RASIP1: variants seen among roughly 807,000 people sequenced by gnomAD.
RASIP1 encodes ras-interacting protein 1.
In RASIP1, 20 loss-of-function variants were observed where a neutral mutation model predicts 85.3. The ratio of observed to expected loss-of-function variants is 0.23; its 90% confidence interval spans 0.17 to 0.34. The LOEUF is 0.34. Among genes scored for constraint, RASIP1 ranks in the 10% least tolerant of loss-of-function variants. The pLI, the probability that RASIP1 is intolerant of heterozygous loss-of-function variation, is 1.00. For synonymous variants in RASIP1, 617 were observed against 647.1 expected (o/e 0.95, Z 0.71); for missense variants, 1,170 against 1,390.9 (o/e 0.84, Z 2.53).
chr19:48,738,976 C>T lies in RASIP1; in HGVS notation c.807G>A (p.Gly269=), dbSNP rs2033623224. The change falls in exon 3 of 12, where the codon GGG becomes GGA. Residue 269 remains glycine (G), a synonymous_variant. Coordinates refer to ENST00000222145, the MANE Select transcript of RASIP1 (RefSeq NM_017805.3). The surrounding 1 kb of genome is among the most constrained non-coding windows in gnomAD (Gnocchi z 4.0). ...EARRLEQEAF[G]AADSEGTGAP... is the part of the protein sequence containing the mutation. The stretch of plus-strand genomic sequence containing the variant: ...GCCGCTCACCTTCGCTGTCCGCGGC[C>T]CCGAAGGCCTCCTGCTCCAGGCGCC... The T allele has an allele frequency of 1.1e-5, 14 of 1,231,974 alleles. No homozygotes were observed. The highest frequency in any genetic ancestry group is 4.3e-5 in the Admixed American group (1 of 23,052). 76.3% of individuals were successfully genotyped at this position (1,231,974 alleles called of 1,614,324 possible).
intron 4 of RASIP1, among the ~76,000 whole-genome samples, chr19:48,734,220 A>G (rs1162154736): frequency 6.6e-6 from 1 of 151,520 alleles, no homozygotes; most frequent in Non-Finnish European, 1.5e-5. Flanking sequence ...GCGTGAACCC[A>G]GGAGACAGAG....
Position 48,738,934 on chromosome 19 carries a change from G to GC in RASIP1, c.823+25dup, listed in dbSNP as rs1484866199. The GC allele has an allele frequency of 1.7e-6, 1 of 574,060 alleles. No individual in the cohort carries two copies. Among genetic ancestry groups the GC allele is most frequent in the Non-Finnish European group, 2.0e-6 (1 of 493,642 alleles). 35.6% of individuals were successfully genotyped at this position (574,060 alleles called of 1,614,324 possible). The stretch of plus-strand genomic sequence containing the variant: ...CCCGCCTCTCTGGCACCGAGTCCCC[G>GC]CCCCAGAGCCCCGCCCGCCGCTCAC... On this transcript the variant is annotated intron_variant, in intron 3 of 11. Transcript: ENST00000222145. This position sits in a 1 kb window ranked among gnomAD's most constrained non-coding sequence, Gnocchi z 4.0.
intron 4 of RASIP1, among the ~76,000 whole-genome samples, chr19:48,731,482 C>T (rs954633293): frequency 6.6e-6 from 1 of 152,136 alleles, no homozygotes; most frequent in Non-Finnish European, 1.5e-5. Flanking sequence ...GGTCATTCCA[C>T]GGATAAATAA....
Position 48,728,972 on chromosome 19 carries a change from C to A in RASIP1, c.1798G>T (p.Gly600Cys). The change falls in exon 5 of 12, where the codon GGC (glycine) becomes TGC (cysteine). Residue 600 changes from glycine to cysteine, a missense_variant. Around this residue, in one of 4 missense-constraint regions of RASIP1, gnomAD observed 426 missense variants for 576.2 expected, o/e 0.74. Coordinates refer to ENST00000222145, the MANE Select transcript of RASIP1 (RefSeq NM_017805.3). ...TCCTTGATGAGCCGGGCCAGGCGGCCCAGCAGTCGTGGCAGGTGGCCCAGC... is the reference window on the plus strand; with the variant it reads ...TCCTTGATGAGCCGGGCCAGGCGGCACAGCAGTCGTGGCAGGTGGCCCAGC... ...LELGHLPRLL[G>C]RLARLIKEAV... The A allele has an allele frequency of 6.9e-7, 1 of 1,458,934 alleles. No individual in the cohort carries two copies. The highest frequency in any genetic ancestry group is 9.0e-7 in the Non-Finnish European group (1 of 1,114,292). The allele number at this position is 1,458,934 out of a possible 1,614,324, so 90.4% of individuals were successfully genotyped here. A position where few individuals can be genotyped will look rare whatever the true frequency, so the allele number is the denominator to read the frequency against.
chr19:48,723,485 G>A (rs992074904), intron 10 of RASIP1, among the ~76,000 whole-genome samples: 8 of 151,142 alleles, frequency 5.3e-5, no homozygotes, highest in Non-Finnish European at 1.2e-4. Context: ...GCTTGAACTC[G>A]GGAGGCGGAG....
rs1453673001 is a variant in RASIP1, at chr19:48,735,276, C to G, written c.1099G>C (p.Asp367His). The part of the protein sequence containing the change: ...QIGTADPGDF[D>H]QLTQCLIQAP... ...TGGATGAGGCACTGAGTCAACTGAT[C>G]GAAGTCCCCGGGGTCTGCAGTTCCG... Residue 367 changes from aspartate to histidine, a missense_variant, in exon 4 of 12, where the codon GAT (aspartate) becomes CAT (histidine). By Grantham distance (81) the Asp-to-His change is moderately conservative. This residue lies in a region of RASIP1 where 301 missense variants were observed against 294.8 expected (regional missense o/e 1.02). Coordinates refer to ENST00000222145, the MANE Select transcript of RASIP1 (RefSeq NM_017805.3). The G allele has an allele frequency of 2.4e-5, 38 of 1,613,938 alleles. No homozygotes were observed. The highest frequency in any genetic ancestry group is 3.2e-5 in the Non-Finnish European group (38 of 1,180,012).
rs762929622 is a variant in RASIP1, at chr19:48,724,555, G to A, written c.2372-46C>T. ...AGAGGCAGTTGGTTGGCTGGACTCT[G>A]TGCTCCTGCCTCCCAGACTCTTCCT... On this transcript the variant is annotated intron_variant, in intron 9 of 11. Coordinates refer to ENST00000222145, the MANE Select transcript of RASIP1 (RefSeq NM_017805.3). This position sits in a 1 kb window ranked among gnomAD's most constrained non-coding sequence, Gnocchi z 4.6. The A allele has an allele frequency of 5.0e-6, 8 of 1,591,662 alleles. No homozygotes were observed. The Admixed American group carries it at 1.2e-4, about 24-fold the overall frequency.
Position 48,735,285 on chromosome 19 carries a change from C to T in RASIP1, c.1090G>A (p.Gly364Arg). Residue 364 changes from glycine to arginine, a missense_variant, in exon 4 of 12, where the codon GGG (glycine) becomes AGG (arginine). Coordinates refer to ENST00000222145, the MANE Select transcript of RASIP1 (RefSeq NM_017805.3). ...ADAQIGTADP[G>R]DFDQLTQCLI... ...CACTGAGTCAACTGATCGAAGTCCC[C>T]GGGGTCTGCAGTTCCGATTTGGGCG... 6.2e-7 allele frequency: 1 copy of T among 1,614,032 alleles called. No individual in the cohort carries two copies. Among genetic ancestry groups the T allele is most frequent in the East Asian group, 2.2e-5 (1 of 44,872 alleles).
intron 4 of RASIP1, among the ~76,000 whole-genome samples, chr19:48,731,037 G>A (rs911841105): frequency 2.0e-5 from 3 of 152,058 alleles, no homozygotes; most frequent in African/African-American, 7.2e-5. Flanking sequence ...GCGCAGTGGA[G>A]ACCAAGGCCG....
intron 5 of RASIP1, among the ~76,000 whole-genome samples, chr19:48,728,701 T>C (rs2033386820): frequency 1.3e-5 from 2 of 151,878 alleles, no homozygotes; most frequent in African/African-American, 4.8e-5. Flanking sequence ...GAGGTAGAGG[T>C]TGCAGTGAAC....
intron 5 of RASIP1, among the ~76,000 whole-genome samples, chr19:48,728,541 G>A (rs1352496371): frequency 2.6e-5 from 4 of 152,056 alleles, no homozygotes; most frequent in African/African-American, 7.2e-5. Flanking sequence ...CGAGGCGGGC[G>A]AACCACGAGG....
At chr19:48,737,269 T>A (rs1255467318) in intron 3 of RASIP1, among the ~76,000 whole-genome samples, 1 of 152,122 alleles carries the variant, frequency 6.6e-6, no homozygotes, top group Admixed American at 6.6e-5. Context: ...ACAGAATGGG[T>A]TGGAATTCAA....
chr19:48,735,873 G>T (rs1310827349), intron 3 of RASIP1, among the ~76,000 whole-genome samples: 1 of 151,172 alleles, frequency 6.6e-6, no homozygotes, highest in Non-Finnish European at 1.5e-5. Context: ...TCGGCTCACT[G>T]CAACCTCTGC....
intron 10 of RASIP1, among the ~76,000 whole-genome samples, chr19:48,722,895 T>A (rs2033274636): frequency 6.6e-6 from 1 of 151,920 alleles, no homozygotes; most frequent in Non-Finnish European, 1.5e-5. Flanking sequence ...CTTTCTTTCT[T>A]ATTGTTTTGA....
At chr19:48,734,005 A>T (rs1002681097) in intron 4 of RASIP1, among the ~76,000 whole-genome samples, 4 of 151,520 alleles carry the variant, frequency 2.6e-5, no homozygotes, top group South Asian at 2.1e-4. Flanking sequence ...TCATTAAAAA[A>T]TTTTTTTAGG....
chr19:48,737,347 A>G, intron 3 of RASIP1: 1 of 483,284 alleles, frequency 2.1e-6, no homozygotes, highest in Non-Finnish European at 2.7e-6. Context: ...GCTCAGATAC[A>G]GAAAAGCGTT....
intron 4 of RASIP1, 53 bp from the exon 5 acceptor site, chr19:48,729,643 G>T (rs1462631614): frequency 3.0e-5 from 45 of 1,476,358 alleles, no homozygotes; most frequent in Non-Finnish European, 4.1e-5. Context: ...CATATCTTCA[G>T]ATCTGTTCTC....
chr19:48,729,709 CTTTTTTTT>C, intron 4 of RASIP1, 119 bp from the exon 5 acceptor site: 37 of 377,696 alleles, frequency 9.8e-5, no homozygotes, highest in East Asian at 2.3e-4. Context: ...CCTTCTTCTT[CTTTTTTTT>C]TTTTTTTTTT....
rs555347424 is a variant in RASIP1 at position 48,738,446 on chromosome 19, C to T, written c.823+514G>A. 1.3e-5 allele frequency: 2 copies of T among 152,514 alleles called. No individual in the cohort carries two copies. The highest frequency in any genetic ancestry group is 4.1e-4 in the South Asian group (2 of 4,830). 9.4% of individuals were successfully genotyped at this position (152,514 alleles called of 1,614,324 possible). On this transcript the variant is annotated intron_variant, in intron 3 of 11. Transcript: ENST00000222145. The surrounding 1 kb of genome is among the most constrained non-coding windows in gnomAD (Gnocchi z 4.0). ...AGTGGGGATTGGTTAGAGAAAGGAACTTTCAAAGATCAGCAAATTGCTAGT... is the reference window on the plus strand; with the variant it reads ...AGTGGGGATTGGTTAGAGAAAGGAATTTTCAAAGATCAGCAAATTGCTAGT...
Sources: gnomAD v4.1 joint callset for allele counts (sites outside exome capture counted in the v4.1 genomes callset) on GRCh38, gnomAD v4.1.1 for gene constraint, gnomAD v4.1.1 regional missense constraint, Gnocchi (gnomAD v3.1) non-coding constraint, MANE v1.5 for transcripts, NCBI Gene and HGNC (gene_info 2026-07-23, HGNC 2026-07-21) for gene names.